The following CAST variants were observed in gnomAD, a reference collection of about 807,000 sequenced individuals.
The protein encoded by CAST is calpastatin.
CAST carries 76 observed loss-of-function variants against 119.6 expected under a neutral mutation model. The ratio of observed to expected loss-of-function variants is 0.64; its 90% confidence interval spans 0.53 to 0.77. The LOEUF is 0.77. CAST is among the 30% of genes least tolerant of loss of function. CAST has a pLI of 0.00. For missense variants in CAST, 953 were observed against 946.5 expected, an observed-to-expected ratio of 1.01 and a Z score of -0.09; for synonymous variants, 319 against 331.6, an observed-to-expected ratio of 0.96 and a Z score of 0.41.
chr5:96,158,821 T>G, the CAST span, among the ~76,000 whole-genome samples: 1 of 152,354 alleles, frequency 6.6e-6, no homozygotes, highest in African/African-American at 2.4e-5. Flanking sequence ...CAGCACTATC[T>G]TAAGTGGGTA....
intron 3 of CAST, among the ~76,000 whole-genome samples, chr5:96,722,129 G>A (rs191283750): frequency 1.2e-4 from 19 of 152,236 alleles, no homozygotes; most frequent in East Asian, 1.9e-4. Flanking sequence ...TCTCAAATAC[G>A]ACCCTGCAAA....
chr5:96,751,631 G>A (rs377738353), intron 20 of CAST, among the ~76,000 whole-genome samples: 5 of 152,140 alleles, frequency 3.3e-5, no homozygotes, highest in Non-Finnish European at 7.4e-5. Context: ...GTAAAGAACC[G>A]GAGAGGAGGA....
At chr5:96,447,930 T>A in the CAST span, among the ~76,000 whole-genome samples, 2 of 151,936 alleles carry the variant, frequency 1.3e-5, no homozygotes, top group African/African-American at 2.4e-5. Context: ...AAACCTGCCC[T>A]GCTAGAACAG....
chr5:96,621,052 A>C (rs541482160), intron 1 of CAST, among the ~76,000 whole-genome samples: 2 of 151,918 alleles, frequency 1.3e-5, no homozygotes, highest in African/African-American at 4.8e-5. Flanking sequence ...CCCTCCTTCA[A>C]CCTCCTCACA....
rs1430340121 is a variant in CAST, at chr5:96,574,352, C to T, written c.60+44472C>T. 9.4e-4 allele frequency among the ~76,000 whole-genome samples: 4 copies of T among 4,272 alleles called. 2 individuals are homozygous for T. The highest frequency in any genetic ancestry group is 6.8e-3 in the African/African-American group (2 of 294). 2.8% of individuals were successfully genotyped at this position (4,272 alleles called of 152,430 possible). A position where few individuals can be genotyped will look rare whatever the true frequency, so the allele number is the denominator to read the frequency against. On this transcript the variant is annotated intron_variant, in intron 1 of 11. Transcript: ENST00000505143. ...GATTACAGGCGTGAGCCACCGCGCC[C>T]GGCCTCATTTGCCCACTTTCTAATT...
chr5:96,365,535 T>C, the CAST span, among the ~76,000 whole-genome samples: 30 of 152,246 alleles, frequency 2.0e-4, no homozygotes, highest in Admixed American at 2.0e-3. Flanking sequence ...ATATTTAGGA[T>C]AGTTAGCTCT....
the CAST span, among the ~76,000 whole-genome samples, chr5:96,367,177 C>T: frequency 6.6e-6 from 1 of 152,188 alleles, no homozygotes; most frequent in Non-Finnish European, 1.5e-5. Flanking sequence ...CTGATCGTTC[C>T]TCTGGAAGCT....
the CAST span, among the ~76,000 whole-genome samples, chr5:96,178,230 T>C: frequency 6.6e-6 from 1 of 152,202 alleles, no homozygotes; most frequent in South Asian, 2.1e-4. Context: ...GTAATAAAAT[T>C]GCAGGGGAAT....
rs150234519 is a variant in CAST at position 96,598,628 on chromosome 5, ATAGT to A, written c.60+68751_60+68754del. 7.9e-3 allele frequency among the ~76,000 whole-genome samples: 1,203 copies of A among 152,310 alleles called. 16 individuals carry two copies. Among genetic ancestry groups the A allele is most frequent in the African/African-American group, 0.027 (1,130 of 41,578 alleles). ...AGAAAAATGGAAAATAATCACTGAG[ATAGT>A]TAATTTTATATGTCAACTTGACTGG... is the stretch of plus-strand genomic sequence containing the variant. On this transcript the variant is annotated intron_variant, in intron 1 of 11. Coordinates refer to the CAST transcript ENST00000505143.
chr5:96,530,930 C>T (rs1455083648), intron 1 of CAST, among the ~76,000 whole-genome samples: 10 of 152,062 alleles, frequency 6.6e-5, no homozygotes, highest in African/African-American at 9.7e-5. Context: ...GTAGCTGGTA[C>T]TACAGGCATG....
chr5:96,276,566 G>C, the CAST span, among the ~76,000 whole-genome samples: 1 of 152,212 alleles, frequency 6.6e-6, no homozygotes, highest in Non-Finnish European at 1.5e-5. Flanking sequence ...GCAGAGATCA[G>C]AAACAAGCTT....
intron 1 of CAST, among the ~76,000 whole-genome samples, chr5:96,654,180 T>G (rs190782270): frequency 1.3e-5 from 2 of 151,970 alleles, no homozygotes; most frequent in African/African-American, 2.4e-5. Context: ...TGCACCACCA[T>G]GCCTGGCTAA....
the CAST span, among the ~76,000 whole-genome samples, chr5:96,245,434 G>A: frequency 6.6e-6 from 1 of 152,162 alleles, no homozygotes; most frequent in Non-Finnish European, 1.5e-5. Context: ...GATCTCATAG[G>A]AGTGTACAGA....
At chr5:96,204,880 T>G in the CAST span, among the ~76,000 whole-genome samples, 2 of 152,076 alleles carry the variant, frequency 1.3e-5, no homozygotes, top group African/African-American at 4.8e-5. Flanking sequence ...AATTTATTAG[T>G]CCAGCATCTA....
At chr5:96,280,538 C>T in the CAST span, among the ~76,000 whole-genome samples, 3 of 152,228 alleles carry the variant, frequency 2.0e-5, no homozygotes, top group African/African-American at 7.2e-5. Context: ...ATCAGAAAAT[C>T]TGGGTTTTGG....
At chr5:96,620,447 A>C (rs1747581561) in intron 1 of CAST, among the ~76,000 whole-genome samples, 2 of 152,190 alleles carry the variant, frequency 1.3e-5, no homozygotes, top group Non-Finnish European at 2.9e-5. Flanking sequence ...GGTGCTGGGC[A>C]GCAGCAGTGA....
At chr5:96,060,059 G>A in the CAST span, among the ~76,000 whole-genome samples, 1 of 152,096 alleles carries the variant, frequency 6.6e-6, no homozygotes, top group South Asian at 2.1e-4. Context: ...GTCAGATGTG[G>A]TATCTTTGCT....
the CAST span, among the ~76,000 whole-genome samples, chr5:96,040,168 CTGTT>C: frequency 2.6e-5 from 4 of 152,222 alleles, no homozygotes; most frequent in East Asian, 1.9e-4. Context: ...ATTTGGCTCT[CTGTT>C]TGTCTGTTAT....
At chr5:96,689,550 T>C (rs934276013) in intron 2 of CAST, among the ~76,000 whole-genome samples, 5 of 152,174 alleles carry the variant, frequency 3.3e-5, no homozygotes, top group African/African-American at 1.2e-4. Flanking sequence ...AACACATAAA[T>C]AGGCATTATA....
Sources: gnomAD v4.1 joint callset for allele counts (sites outside exome capture counted in the v4.1 genomes callset) on GRCh38, gnomAD v4.1.1 for gene constraint, MANE v1.5 for transcripts, NCBI Gene and HGNC (gene_info 2026-07-23, HGNC 2026-07-21) for gene names.